GDI2: variants seen among roughly 807,000 people sequenced by gnomAD.
GDI2 encodes the protein GDP dissociation inhibitor 2.
In GDI2, 22 loss-of-function variants were observed where a neutral mutation model predicts 54.2. The ratio of observed to expected loss-of-function variants is 0.41; its 90% CI spans 0.29 to 0.58. The LOEUF (loss-of-function observed/expected upper bound fraction) is 0.58, where lower values mean the gene tolerates loss of function less well. Ranked by LOEUF, GDI2 falls within the 20% of genes least tolerant of loss-of-function variation. The pLI, the probability that GDI2 is intolerant of heterozygous loss-of-function variation, is 0.35. For missense variants in GDI2, 422 were observed against 546.0 expected (o/e 0.77, Z 2.26); for synonymous variants, 177 against 182.1 (o/e 0.97, Z 0.23).
In GDI2 at chr10:5,766,421, A is replaced by AT; in HGVS notation, c.1136+72dup. On this transcript the variant is annotated intron_variant, in intron 9 of 10. Coordinates refer to ENST00000380191, the MANE Select transcript of GDI2 (RefSeq NM_001494.4). The surrounding 1 kb of genome is among the most constrained non-coding windows in gnomAD (Gnocchi z 5.8). Reference sequence around the variant, plus strand: ...CAGCAGCTACCTGCCTTGCCCTCACATTCGTCCCACCATGGAGCCACAATC... The same window carrying AT: ...CAGCAGCTACCTGCCTTGCCCTCACATTTCGTCCCACCATGGAGCCACAATC... 3.2e-6 allele frequency: 5 copies of AT among 1,567,646 alleles called. No homozygotes were observed. The highest frequency in any genetic ancestry group is 4.4e-6 in the Non-Finnish European group (5 of 1,138,628).
intron 5 of GDI2, among the ~76,000 whole-genome samples, 188 bp from the exon 6 acceptor site, chr10:5,785,461 A>G (rs1439403610): frequency 6.6e-6 from 1 of 151,632 alleles, no homozygotes; most frequent in African/African-American, 2.4e-5. Flanking sequence ...CACAACTTCC[A>G]CCTCCCAGGC....
At chr10:5,806,405 T>TA (rs367808153) in intron 1 of GDI2, among the ~76,000 whole-genome samples, 5,220 of 134,468 alleles carry the variant, frequency 0.039, 108 homozygotes, top group Non-Finnish European at 0.045. Flanking sequence ...AAAGAAAATT[T>TA]AAAAAAAAAA....
intron 4 of GDI2, 44 bp from the exon 5 acceptor site, chr10:5,786,094 C>T: frequency 1.5e-6 from 2 of 1,294,804 alleles, no homozygotes; most frequent in South Asian, 2.4e-5. Context: ...CACAATCAGA[C>T]ATTGAGGAGA....
chr10:5,771,764 C>T (rs944059275), intron 7 of GDI2, among the ~76,000 whole-genome samples: 1 of 152,116 alleles, frequency 6.6e-6, no homozygotes, highest in Non-Finnish European at 1.5e-5. Context: ...AAGAAAAATA[C>T]AGAATAAAAG....
chr10:5,770,469 G>A (rs1245812314), intron 7 of GDI2, among the ~76,000 whole-genome samples: 1 of 152,122 alleles, frequency 6.6e-6, no homozygotes, highest in African/African-American at 2.4e-5. Flanking sequence ...GGCTGAGGCA[G>A]GAGAATCACT....
rs527984639 is a variant in GDI2, at chr10:5,802,013, GAATT to G, written c.46-1312_46-1309del. Reference sequence around the variant, plus strand: ...ACAGAGCAAGACTGAGTAGCAAAAAGAATTAATAAAGTTATTTAATAAACATATA... The same window carrying G: ...ACAGAGCAAGACTGAGTAGCAAAAAGAATAAAGTTATTTAATAAACATATA... On this transcript the variant is annotated intron_variant, in intron 1 of 10. Transcript: ENST00000380191. 3.3e-3 allele frequency among the ~76,000 whole-genome samples: 502 copies of G among 151,916 alleles called. 2 individuals are homozygous for G. Among genetic ancestry groups the G allele is most frequent in the African/African-American group, 0.012 (477 of 41,428 alleles).
At chr10:5,784,179 C>T (rs72772371) in intron 6 of GDI2, among the ~76,000 whole-genome samples, 1,505 of 150,034 alleles carry the variant, frequency 0.01, 19 homozygotes, top group Non-Finnish European at 0.016. Flanking sequence ...GCCTTGTCTT[C>T]GAACTCTGAA....
chr10:5,793,966 C>T (rs982104064), intron 4 of GDI2, among the ~76,000 whole-genome samples: 1 of 151,488 alleles, frequency 6.6e-6, no homozygotes, highest in African/African-American at 2.4e-5. Flanking sequence ...GAGTTCAAGA[C>T]CAGCCTGGCC....
chr10:5,799,012 A>G (rs550141546), intron 2 of GDI2, among the ~76,000 whole-genome samples: 39 of 152,212 alleles, frequency 2.6e-4, no homozygotes, highest in African/African-American at 9.1e-4. Flanking sequence ...AAAATTAAGA[A>G]AAGAAAAAAA....
chr10:5,796,639 C>T, intron 3 of GDI2, 124 bp downstream of exon 3: 3 of 616,118 alleles, frequency 4.9e-6, no homozygotes, highest in Non-Finnish European at 8.8e-6. Flanking sequence ...ATGTTACTCA[C>T]CATGCTGTTT....
chr10:5,785,803 T>A, intron 5 of GDI2, 49 bp downstream of exon 5: 1 of 1,129,548 alleles, frequency 8.9e-7, no homozygotes, highest in Middle Eastern at 2.9e-4. Context: ...CTTGGGAAAT[T>A]TAGTGAGAAT....
intron 7 of GDI2, among the ~76,000 whole-genome samples, chr10:5,771,454 A>T (rs1227638307): frequency 6.6e-6 from 1 of 152,236 alleles, no homozygotes; most frequent in Non-Finnish European, 1.5e-5. Context: ...AGCTATCATT[A>T]CTGTTAGCAT....
At chr10:5,810,883 TAAC>T (rs1450861958) in intron 1 of GDI2, among the ~76,000 whole-genome samples, 3 of 152,206 alleles carry the variant, frequency 2.0e-5, no homozygotes, top group Non-Finnish European at 4.4e-5. Flanking sequence ...AGCTTAGACT[TAAC>T]AACTCATACA....
intron 4 of GDI2, among the ~76,000 whole-genome samples, chr10:5,791,566 G>A (rs1841013675): frequency 6.6e-6 from 1 of 152,098 alleles, no homozygotes; most frequent in South Asian, 2.1e-4. Context: ...TGACCAACAT[G>A]GAGAAACCCC....
At chr10:5,808,697 T>TA (rs56672226) in intron 1 of GDI2, among the ~76,000 whole-genome samples, 1,994 of 86,120 alleles carry the variant, frequency 0.023, 36 homozygotes, top group African/African-American at 0.048. Context: ...TTGTTGTTAT[T>TA]AAAAAAAAAA....
At chr10:5,789,021 C>A (rs151009783) in intron 4 of GDI2, among the ~76,000 whole-genome samples, 6 of 152,338 alleles carry the variant, frequency 3.9e-5, no homozygotes, top group African/African-American at 1.4e-4. Flanking sequence ...CCTGCCTCAG[C>A]CTCCCAAAGT....
intron 6 of GDI2, among the ~76,000 whole-genome samples, chr10:5,779,894 G>A (rs59953309): frequency 6.6e-6 from 1 of 151,716 alleles, no homozygotes; most frequent in Admixed American, 6.6e-5. Flanking sequence ...GGTTTCACCA[G>A]GTTGCCTAGG....
At chr10:5,771,820 G>A (rs888250711) in intron 7 of GDI2, among the ~76,000 whole-genome samples, 4 of 152,274 alleles carry the variant, frequency 2.6e-5, no homozygotes, top group Admixed American at 2.0e-4. Flanking sequence ...GGCCGAGCGC[G>A]GTGGCTCACA....
chr10:5,800,764 A>T (rs1313861686), intron 1 of GDI2, 59 bp from the exon 2 acceptor site: 31 of 852,292 alleles, frequency 3.6e-5, no homozygotes, highest in Admixed American at 2.2e-4. Flanking sequence ...AAAACAGATC[A>T]TTTTTTTCAA....
Sources: allele counts gnomAD v4.1 joint callset (sites outside exome capture counted in the v4.1 genomes callset), GRCh38; gene constraint gnomAD v4.1.1; non-coding constraint Gnocchi (gnomAD v3.1); transcripts MANE v1.5; gene names NCBI Gene and HGNC (gene_info 2026-07-23, HGNC 2026-07-21).